DPP10: variants seen among roughly 807,000 people sequenced by gnomAD.
DPP10 encodes dipeptidyl peptidase like 10.
In DPP10, 33 loss-of-function variants were observed where a neutral mutation model predicts 120.9. The observed-to-expected ratio is 0.27, with a 90% confidence interval of 0.21 to 0.37. DPP10 has a LOEUF of 0.37. DPP10 is among the 10% of genes least tolerant of loss of function. The probability of loss-of-function intolerance (pLI) is 1.00; values close to 1 mark genes in which losing one functional copy is unlikely to be tolerated. For missense variants in DPP10, 816 were observed against 942.8 expected (o/e 0.87, Z 1.76); for synonymous variants, 337 against 326.1 (o/e 1.03, Z -0.36).
intron 5 of DPP10, among the ~76,000 whole-genome samples, chr2:115,650,661 G>T (rs1208332743): frequency 1.3e-5 from 2 of 151,826 alleles, no homozygotes; most frequent in Non-Finnish European, 2.9e-5. Flanking sequence ...TTCACATGTG[G>T]TCTCTACTTG....
At chr2:115,468,254 G>C (rs2074455840) in intron 3 of DPP10, 2 of 508,662 alleles carry the variant, frequency 3.9e-6, no homozygotes, top group Non-Finnish European at 7.8e-6. Flanking sequence ...TGTCATTGTT[G>C]CCATTGAAAA....
At chr2:115,432,399 C>G (rs1000716164) in intron 3 of DPP10, among the ~76,000 whole-genome samples, 1 of 151,940 alleles carries the variant, frequency 6.6e-6, no homozygotes, top group African/African-American at 2.4e-5. Context: ...TGGTTTTGCT[C>G]TCATTGGTTC....
chr2:115,814,727 GA>G, intron 19 of DPP10, 65 bp from the exon 20 acceptor site: 9 of 1,335,840 alleles, frequency 6.7e-6, no homozygotes, highest in Non-Finnish European at 9.0e-6. Context: ...TTGTGAGTAT[GA>G]AAGGTAAAAT....
intron 1 of DPP10, among the ~76,000 whole-genome samples, chr2:114,895,008 A>G (rs761926250): frequency 2.7e-4 from 41 of 152,160 alleles, no homozygotes; most frequent in Non-Finnish European, 4.7e-4. Flanking sequence ...AACTACTTAA[A>G]CTCTGTGTTT....
intron 1 of DPP10, among the ~76,000 whole-genome samples, chr2:115,142,695 C>T (rs1447115079): frequency 6.6e-6 from 1 of 152,124 alleles, no homozygotes; most frequent in Non-Finnish European, 1.5e-5. Flanking sequence ...GTATATCTTT[C>T]TCTATCAGGA....
chr2:115,745,519 T>G (rs948820563), intron 9 of DPP10, among the ~76,000 whole-genome samples: 5 of 150,578 alleles, frequency 3.3e-5, no homozygotes, highest in African/African-American at 9.7e-5. Flanking sequence ...TTGTCAATTA[T>G]GCAAATGAGT....
intron 7 of DPP10, among the ~76,000 whole-genome samples, chr2:115,722,822 A>C (rs951214892): frequency 6.6e-6 from 1 of 152,208 alleles, no homozygotes; most frequent in Non-Finnish European, 1.5e-5. Flanking sequence ...ATGGGAAAAC[A>C]GATATTACTC....
intron 1 of DPP10, among the ~76,000 whole-genome samples, chr2:114,591,508 C>T (rs150090989): frequency 4.1e-4 from 62 of 151,880 alleles, no homozygotes; most frequent in African/African-American, 1.3e-3. Context: ...TTTTTCCACC[C>T]AGCCATCCAG....
At chr2:114,542,941 A>G (rs1441428730) in intron 1 of DPP10, among the ~76,000 whole-genome samples, 1 of 152,120 alleles carries the variant, frequency 6.6e-6, no homozygotes, top group Non-Finnish European at 1.5e-5. Context: ...GAAACCTTGG[A>G]TTGGCAAAGT....
intron 3 of DPP10, among the ~76,000 whole-genome samples, chr2:115,391,545 T>G (rs2067316457): frequency 6.6e-6 from 1 of 152,150 alleles, no homozygotes; most frequent in Admixed American, 6.5e-5. Context: ...AATAACTCTA[T>G]AATCGTCATC....
At chr2:114,932,357 G>A (rs574476388) in intron 1 of DPP10, among the ~76,000 whole-genome samples, 49 of 152,312 alleles carry the variant, frequency 3.2e-4, no homozygotes, top group African/African-American at 1.1e-3. Context: ...ATATATGAAT[G>A]GAGTTTTCAT....
chr2:115,158,109 T>C (rs569858122), intron 1 of DPP10, among the ~76,000 whole-genome samples: 128 of 152,354 alleles, frequency 8.4e-4, no homozygotes, highest in Non-Finnish European at 1.2e-3. Flanking sequence ...ATTTCTTACT[T>C]GGTTGTTTTT....
At chr2:115,382,861 G>A (rs1205695486) in intron 3 of DPP10, among the ~76,000 whole-genome samples, 1 of 152,324 alleles carries the variant, frequency 6.6e-6, no homozygotes, top group Middle Eastern at 3.4e-3. Flanking sequence ...ATGGATATTT[G>A]TGAAAATACA....
At chr2:114,553,615 T>C (rs891635525) in intron 1 of DPP10, among the ~76,000 whole-genome samples, 1 of 152,230 alleles carries the variant, frequency 6.6e-6, no homozygotes, top group Non-Finnish European at 1.5e-5. Context: ...TAATGTAGGC[T>C]GGACAGCAAA....
At chr2:115,228,501 T>TC (rs1332160070) in intron 1 of DPP10, among the ~76,000 whole-genome samples, 4 of 151,604 alleles carry the variant, frequency 2.6e-5, no homozygotes, top group Admixed American at 6.6e-5. Flanking sequence ...CCCGCTTCAA[T>TC]CCCCCCTCCA....
At chr2:115,254,736 G>A (rs538020647) in intron 1 of DPP10, among the ~76,000 whole-genome samples, 7 of 152,244 alleles carry the variant, frequency 4.6e-5, no homozygotes, top group South Asian at 2.1e-4. Context: ...CAGGCCCCAC[G>A]CAAGTCTGAA....
At chr2:114,901,638 A>G (rs865999177) in intron 1 of DPP10, among the ~76,000 whole-genome samples, 7 of 152,216 alleles carry the variant, frequency 4.6e-5, no homozygotes, top group Admixed American at 6.5e-5. Context: ...TAACAGCAGA[A>G]ACAATAGCTG....
At chr2:115,029,748 A>G (rs2105232105) in intron 1 of DPP10, among the ~76,000 whole-genome samples, 1 of 152,316 alleles carries the variant, frequency 6.6e-6, no homozygotes, top group South Asian at 2.1e-4. Context: ...GTTCTGAGAT[A>G]CAATTAAAAT....
chr2:114,688,654 G>T (rs985181499), intron 1 of DPP10, among the ~76,000 whole-genome samples: 3 of 152,000 alleles, frequency 2.0e-5, no homozygotes, highest in Admixed American at 6.6e-5. Context: ...AAGAAAGCAA[G>T]CTGTAATCTT....
Sources: allele counts gnomAD v4.1 joint callset (sites outside exome capture counted in the v4.1 genomes callset), GRCh38; gene constraint gnomAD v4.1.1; transcripts MANE v1.5; gene names NCBI Gene and HGNC (gene_info 2026-07-23, HGNC 2026-07-21).